The following ZNF382 variants were observed in gnomAD, a reference collection of about 807,000 sequenced individuals.
ZNF382 encodes the protein KRAB/zinc finger suppressor protein 1.
In ZNF382, 20 loss-of-function variants were observed where a neutral mutation model predicts 38.8. The ratio of observed to expected loss-of-function variants is 0.51; its 90% CI spans 0.36 to 0.75. ZNF382 has a LOEUF of 0.75. Ranked by LOEUF, ZNF382 falls within the 30% of genes least tolerant of loss-of-function variation. The pLI is 0.00. For synonymous variants in ZNF382, 202 were observed against 223.1 expected (o/e 0.91, Z 0.84); for missense variants, 546 against 654.1 (o/e 0.83, Z 1.80).
Position 36,627,758 on chromosome 19 carries a change from CT to C in ZNF382, c.*217del, listed in dbSNP as rs926732835. ...GACAAAAATCATTAAGAAGTCCAAA[CT>C]TTTTTTTTATTACTAGCTTCAGCAG... On this transcript the variant is annotated 3_prime_UTR_variant, in exon 5 of 5. Coordinates refer to ENST00000292928, the MANE Select transcript of ZNF382 (RefSeq NM_032825.5). 245 of 468,928 alleles carry C rather than the reference CT, an allele frequency of 5.2e-4. No individual in the cohort carries two copies. Among genetic ancestry groups the C allele is most frequent in the East Asian group, 6.5e-4 (19 of 29,156 alleles). The allele number at this position is 468,928 out of a possible 1,614,324, so 29.0% of individuals were successfully genotyped here. A position where few individuals can be genotyped will look rare whatever the true frequency, so the allele number is the denominator to read the frequency against.
rs2037222542 is a variant in ZNF382, at chr19:36,627,275, G to C, written c.1378G>C (p.Gly460Arg). 6.2e-7 allele frequency: 1 copy of C among 1,613,622 alleles called. No individual in the cohort carries two copies. The highest frequency in any genetic ancestry group is 8.5e-7 in the Non-Finnish European group (1 of 1,179,950). Residue 460 changes from glycine (G) to arginine (R), a missense_variant, in exon 5 of 5, where the codon GGG becomes CGG. Transcript: ENST00000292928. ...TLTLHQRIHT[G>R]EKPYICNECG... ...CACTCTCCACCAGAGAATTCACACG[G>C]GGGAAAAACCCTATATTTGTAATGA...
At chr19:36,619,034 AATAAATAAATAC>A (rs1264884458) in intron 4 of ZNF382, among the ~76,000 whole-genome samples, 1 of 152,174 alleles carries the variant, frequency 6.6e-6, no homozygotes, top group Admixed American at 6.5e-5. Context: ...TCCAAAAATA[AATAAATAAATAC>A]ATAAATAAAT....
intron 1 of ZNF382, 133 bp from the exon 2 acceptor site, chr19:36,607,419 A>G: frequency 7.0e-6 from 4 of 575,188 alleles, no homozygotes; most frequent in Non-Finnish European, 1.2e-5. Context: ...ACCATCCTGG[A>G]CATCTGAAGG....
Position 36,627,118 on chromosome 19 carries a change from G to T in ZNF382, c.1221G>T (p.Pro407=), listed in dbSNP as rs780590866. 6.2e-7 allele frequency: 1 copy of T among 1,613,114 alleles called. No individual in the cohort carries two copies. The change falls in exon 5 of 5, where the codon CCG becomes CCT. Residue 407 remains proline (P), a synonymous_variant. Coordinates refer to ENST00000292928, the MANE Select transcript of ZNF382 (RefSeq NM_032825.5). ...AGAGAACTCACACAGGAGAGAAACCGTATCAGTGTAATGAGTGTGGGAAGG... is the reference window on the plus strand; with the variant it reads ...AGAGAACTCACACAGGAGAGAAACCTTATCAGTGTAATGAGTGTGGGAAGG... ...DHQRTHTGEK[P]YQCNECGKAF... is the part of the protein sequence containing the mutation.
At chr19:36,608,996 G>A (rs1008573716) in intron 2 of ZNF382, 1 of 152,146 alleles carries the variant, frequency 6.6e-6, no homozygotes, top group African/African-American at 2.4e-5. Flanking sequence ...TTACTTAATT[G>A]TCATTTCCAC....
chr19:36,610,412 C>T (rs2037067620), intron 3 of ZNF382: 2 of 393,302 alleles, frequency 5.1e-6, no homozygotes, highest in South Asian at 3.0e-5. Context: ...GTTGAGATTG[C>T]ACCACTGCAC....
intron 4 of ZNF382, among the ~76,000 whole-genome samples, chr19:36,614,491 T>G (rs902182385): frequency 6.6e-6 from 1 of 152,258 alleles, no homozygotes; most frequent in Non-Finnish European, 1.5e-5. Flanking sequence ...TATTGAGTCC[T>G]GTGGTTCATG....
At chr19:36,615,252 G>A (rs1432782260) in intron 4 of ZNF382, among the ~76,000 whole-genome samples, 1 of 151,922 alleles carries the variant, frequency 6.6e-6, no homozygotes, top group Non-Finnish European at 1.5e-5. Context: ...CCAAAGTGCT[G>A]GGACTACAGG....
Position 36,610,044 on chromosome 19 carries a change from G to C in ZNF382, c.130G>C (p.Val44Leu). ...GATGTTGGAAAACTATTGCCACTTCGTATCTGTGGGTAAGAAACACTCCTG... is the reference window on the plus strand; with the variant it reads ...GATGTTGGAAAACTATTGCCACTTCCTATCTGTGGGTAAGAAACACTCCTG... ...DVMLENYCHF[V>L]SVGFHMAKPD... The change falls in exon 3 of 5, where the codon GTA becomes CTA. Residue 44 changes from valine (V) to leucine (L), a missense_variant. By Grantham distance (32) the Val-to-Leu change is conservative. Coordinates refer to ENST00000292928, the MANE Select transcript of ZNF382 (RefSeq NM_032825.5). 6.2e-7 allele frequency: 1 copy of C among 1,613,384 alleles called. No homozygotes were observed. Among genetic ancestry groups the C allele is most frequent in the South Asian group, 1.1e-5 (1 of 90,988 alleles).
Position 36,627,849 on chromosome 19 carries a change from TC to T in ZNF382, c.*300del. The T allele has an allele frequency of 3.6e-6, 1 of 278,866 alleles. No individual in the cohort carries two copies. Among genetic ancestry groups the T allele is most frequent in the Non-Finnish European group, 6.8e-6 (1 of 146,632 alleles). The allele number at this position is 278,866 out of a possible 1,614,324, so 17.3% of individuals were successfully genotyped here. The stretch of plus-strand genomic sequence containing the variant: ...ATCACATTTTCCATTTCCATACATA[TC>T]TTTTTGTTCATCAGTAATAACTAGT... On this transcript the variant is annotated 3_prime_UTR_variant, in exon 5 of 5. Transcript: ENST00000292928.
chr19:36,623,605 C>T (rs1253991516), intron 4 of ZNF382, among the ~76,000 whole-genome samples: 1 of 151,924 alleles, frequency 6.6e-6, no homozygotes, highest in Non-Finnish European at 1.5e-5. Context: ...ACCAGGCCAA[C>T]ACAGTGAAAC....
chr19:36,608,429 A>G (rs1020482866), intron 2 of ZNF382: 1 of 152,224 alleles, frequency 6.6e-6, no homozygotes, highest in Non-Finnish European at 1.5e-5. Flanking sequence ...AAGGAAATCC[A>G]TATGCCAGGC....
intron 4 of ZNF382, among the ~76,000 whole-genome samples, chr19:36,613,736 G>T (rs1247213954): frequency 6.6e-6 from 1 of 151,960 alleles, no homozygotes; most frequent in Non-Finnish European, 1.5e-5. Context: ...CACTGTGCCC[G>T]GCTGTATATT....
intron 4 of ZNF382, among the ~76,000 whole-genome samples, chr19:36,616,260 T>C (rs2037125306): frequency 6.6e-6 from 1 of 152,134 alleles, no homozygotes; most frequent in Admixed American, 6.5e-5. Flanking sequence ...TAGATCCAGC[T>C]ATTCAGAAGG....
intron 4 of ZNF382, among the ~76,000 whole-genome samples, chr19:36,612,342 A>T (rs12973307): frequency 0.3 from 45,522 of 152,152 alleles, 6,877 homozygotes; most frequent in African/African-American, 0.34. Context: ...ATACCAGTTT[A>T]TGCATCTCTT....
At position 36,627,124 on chromosome 19, in the gene ZNF382, G is replaced by A. The variant is rs1005527700; in HGVS notation, c.1227G>A (p.Gln409=). 1.1e-5 allele frequency: 18 copies of A among 1,613,690 alleles called. No individual in the cohort carries two copies. Among genetic ancestry groups the A allele is most frequent in the Middle Eastern group, 1.7e-4 (1 of 6,058 alleles). The change falls in exon 5 of 5, where the codon CAG becomes CAA. Residue 409 remains glutamine, a synonymous_variant. Transcript: ENST00000292928. Reference sequence around the variant, plus strand: ...CTCACACAGGAGAGAAACCGTATCAGTGTAATGAGTGTGGGAAGGCATTTA... The same window carrying A: ...CTCACACAGGAGAGAAACCGTATCAATGTAATGAGTGTGGGAAGGCATTTA... ...QRTHTGEKPY[Q]CNECGKAFIQ... is the part of the protein sequence containing the mutation.
At chr19:36,612,217 C>A (rs548132133) in intron 4 of ZNF382, among the ~76,000 whole-genome samples, 2 of 152,322 alleles carry the variant, frequency 1.3e-5, no homozygotes, top group East Asian at 3.9e-4. Flanking sequence ...TTGTCTATTG[C>A]AAACCTTTTT....
Position 36,623,624 on chromosome 19 carries a change from C to T in ZNF382, c.233-2506C>T, listed in dbSNP as rs566504635. On this transcript the variant is annotated intron_variant, in intron 4 of 4. Transcript: ENST00000292928. The stretch of plus-strand genomic sequence containing the variant: ...GGCCAACACAGTGAAACCCCATCTC[C>T]GCTAAAAAATACAAAAAACATCAGT... 9.9e-5 allele frequency among the ~76,000 whole-genome samples: 15 copies of T among 151,946 alleles called. 1 individual carries two copies. In the South Asian group the frequency reaches 1.9e-3, roughly 19 times the overall value.
intron 4 of ZNF382, among the ~76,000 whole-genome samples, chr19:36,614,922 TC>T (rs1377210128): frequency 1.0e-4 from 11 of 109,602 alleles, no homozygotes; most frequent in South Asian, 2.9e-4. Flanking sequence ...TCCTTCCCTT[TC>T]CCTTTCCCTT....
Sources: gnomAD v4.1 joint callset for allele counts (sites outside exome capture counted in the v4.1 genomes callset) on GRCh38, gnomAD v4.1.1 for gene constraint, MANE v1.5 for transcripts, NCBI Gene and HGNC (gene_info 2026-07-23, HGNC 2026-07-21) for gene names.